Variants in GHR observed in about 807,000 individuals in gnomAD.
GHR encodes GH receptor.
GHR carries 35 observed loss-of-function variants against 67.1 expected under a neutral mutation model. That is an observed-to-expected ratio of 0.52 (90% CI 0.40 to 0.69). The LOEUF is 0.69. GHR is among the 30% of genes least tolerant of loss of function. The pLI is 0.00. For missense variants in GHR, 792 were observed against 764.6 expected, an observed-to-expected ratio of 1.04 and a Z score of -0.42; for synonymous variants, 272 against 269.1, an observed-to-expected ratio of 1.01 and a Z score of -0.10.
At chr5:42,473,901 T>C (rs1466862232) in intron 1 of GHR, among the ~76,000 whole-genome samples, 1 of 148,634 alleles carries the variant, frequency 6.7e-6, no homozygotes, top group Non-Finnish European at 1.5e-5. Context: ...GAAAAGTGTC[T>C]GTCTAGCCAG....
At chr5:42,650,603 G>GTATATATATATATATATATATATA (rs1561197432) in intron 3 of GHR, among the ~76,000 whole-genome samples, 1 of 92,732 alleles carries the variant, frequency 1.1e-5, no homozygotes, top group African/African-American at 3.8e-5. Context: ...ATATATATAT[G>GTATATATATATATATATATATATA]TATGTCTATG....
intron 1 of GHR, among the ~76,000 whole-genome samples, chr5:42,488,270 G>C (rs1024836799): frequency 3.9e-5 from 6 of 152,132 alleles, no homozygotes; most frequent in Non-Finnish European, 5.9e-5. Flanking sequence ...AATTTGGTAA[G>C]GTAGGAATTT....
At chr5:42,501,980 G>C (rs898050048) in intron 1 of GHR, among the ~76,000 whole-genome samples, 1 of 152,124 alleles carries the variant, frequency 6.6e-6, no homozygotes, top group Non-Finnish European at 1.5e-5. Context: ...AGAAGTGCGG[G>C]TCATCATCCA....
chr5:42,617,808 T>A (rs1753241391), intron 2 of GHR, among the ~76,000 whole-genome samples: 1 of 152,148 alleles, frequency 6.6e-6, no homozygotes, highest in African/African-American at 2.4e-5. Flanking sequence ...CTTTTTTCTT[T>A]ATGTCATATT....
chr5:42,680,160 T>G (rs890884444), intron 3 of GHR, among the ~76,000 whole-genome samples: 1 of 152,244 alleles, frequency 6.6e-6, no homozygotes, highest in African/African-American at 2.4e-5. Context: ...TCTTGTTTAT[T>G]ATTTGTGAAA....
intron 1 of GHR, chr5:42,468,230 G>A: frequency 6.5e-7 from 1 of 1,528,368 alleles, no homozygotes; most frequent in Non-Finnish European, 9.1e-7. Flanking sequence ...CTGGATGCCT[G>A]ATCTGGGAAG....
At chr5:42,431,143 A>G (rs1277679085) in intron 1 of GHR, among the ~76,000 whole-genome samples, 4 of 152,174 alleles carry the variant, frequency 2.6e-5, no homozygotes, top group African/African-American at 7.2e-5. Context: ...GTAAGCATCA[A>G]AAAATGTTTG....
intron 3 of GHR, among the ~76,000 whole-genome samples, chr5:42,638,187 C>T (rs936413793): frequency 6.6e-6 from 1 of 151,916 alleles, no homozygotes; most frequent in Non-Finnish European, 1.5e-5. Flanking sequence ...GATCTGCCCC[C>T]CTCAGCATCC....
intron 7 of GHR, 108 bp downstream of exon 7, chr5:42,711,480 A>G: frequency 2.6e-6 from 2 of 782,868 alleles, no homozygotes; most frequent in Admixed American, 3.7e-5. Context: ...ATATATTAAC[A>G]TCAGATATCA....
intron 3 of GHR, among the ~76,000 whole-genome samples, chr5:42,687,654 A>T (rs1349877339): frequency 2.0e-5 from 3 of 152,226 alleles, no homozygotes; most frequent in Non-Finnish European, 4.4e-5. Flanking sequence ...TTTGGTTCAT[A>T]ACATCAGGTA....
chr5:42,534,298 A>G (rs1226380872), intron 1 of GHR, among the ~76,000 whole-genome samples: 2 of 140,284 alleles, frequency 1.4e-5, no homozygotes, highest in East Asian at 2.0e-4. Flanking sequence ...ACATGTGTAT[A>G]TGTGTATATA....
chr5:42,587,673 T>G lies in GHR; in HGVS notation c.70+21729T>G, dbSNP rs145855417. Reference sequence around the variant, plus strand: ...GGGGAAAGATTTGGGGTTTTTTTTGTTTTTTTTTTGTTTTTTTAAGAAACA... The same window carrying G: ...GGGGAAAGATTTGGGGTTTTTTTTGGTTTTTTTTTGTTTTTTTAAGAAACA... On this transcript the variant is annotated intron_variant, in intron 2 of 9. Transcript: ENST00000230882. Among the ~76,000 whole-genome samples, 604 of 147,030 alleles carry G rather than the reference T, an allele frequency of 4.1e-3. 4 individuals are homozygous for G. Among genetic ancestry groups the G allele is most frequent in the African/African-American group, 0.014 (565 of 39,942 alleles).
At chr5:42,516,787 C>T (rs1022340847) in intron 1 of GHR, among the ~76,000 whole-genome samples, 1 of 152,134 alleles carries the variant, frequency 6.6e-6, no homozygotes, top group African/African-American at 2.4e-5. Context: ...AAGTGTAGAC[C>T]TATGTGACTT....
rs548111822 is a variant in GHR at position 42,697,388 on chromosome 5, C to T, written c.439+2299C>T. Among the ~76,000 whole-genome samples the T allele has an allele frequency of 6.6e-5, 10 of 152,248 alleles. No homozygotes were observed. In the South Asian group the frequency reaches 2.1e-3, roughly 32 times the overall value. On this transcript the variant is annotated intron_variant, in intron 5 of 9. Coordinates refer to ENST00000230882, the MANE Select transcript of GHR (RefSeq NM_000163.5). ...ATTTAATCCCAACGAGGATGGAAAGCGACAATGCTATGGAGAAATATAGGA... is the reference window on the plus strand; with the variant it reads ...ATTTAATCCCAACGAGGATGGAAAGTGACAATGCTATGGAGAAATATAGGA...
intron 3 of GHR, among the ~76,000 whole-genome samples, chr5:42,673,037 C>T (rs900199298): frequency 3.9e-5 from 6 of 152,156 alleles, no homozygotes; most frequent in African/African-American, 9.6e-5. Flanking sequence ...TAATATCTGG[C>T]GTCTGTTAGG....
At chr5:42,696,351 G>T (rs2111714941) in intron 5 of GHR, among the ~76,000 whole-genome samples, 1 of 152,342 alleles carries the variant, frequency 6.6e-6, no homozygotes, top group South Asian at 2.1e-4. Context: ...TGCAAAGGTG[G>T]TGGCCAAAGG....
intron 2 of GHR, among the ~76,000 whole-genome samples, chr5:42,625,315 A>C (rs1753645609): frequency 6.6e-6 from 1 of 150,758 alleles, no homozygotes; most frequent in Non-Finnish European, 1.5e-5. Context: ...GGACTGAAAC[A>C]AAAGTATTAA....
chr5:42,425,229 A>G (rs1382530825), intron 1 of GHR, among the ~76,000 whole-genome samples: 7 of 152,210 alleles, frequency 4.6e-5, no homozygotes, highest in African/African-American at 9.6e-5. Flanking sequence ...GTGTGAGTAC[A>G]GAACTTCGGA....
intron 3 of GHR, among the ~76,000 whole-genome samples, chr5:42,635,103 CTTG>C (rs1392567077): frequency 2.0e-5 from 3 of 151,910 alleles, no homozygotes; most frequent in Admixed American, 1.3e-4. Context: ...TGACAGTCTA[CTTG>C]TTTATAAACT....
Sources: allele counts gnomAD v4.1 joint callset (sites outside exome capture counted in the v4.1 genomes callset), GRCh38; gene constraint gnomAD v4.1.1; transcripts MANE v1.5; gene names NCBI Gene and HGNC (gene_info 2026-07-23, HGNC 2026-07-21).